SGCZ: variants seen among roughly 807,000 people sequenced by gnomAD.
SGCZ encodes the protein sarcoglycan zeta.
Under a neutral mutation model 41.3 loss-of-function variants are expected in SGCZ, and 40 were observed. That is an observed-to-expected ratio of 0.97 (90% CI 0.75 to 1.26). SGCZ has a LOEUF of 1.26. Among genes scored for constraint, SGCZ ranks in the 50% most tolerant of loss-of-function variants. The pLI is 0.00. For synonymous variants in SGCZ, 206 were observed against 137.5 expected (o/e 1.50, Z -3.49); for missense variants, 552 against 369.8 (o/e 1.49, Z -4.04).
intron 1 of SGCZ, among the ~76,000 whole-genome samples, chr8:14,956,230 G>A (rs540675649): frequency 6.6e-6 from 1 of 151,826 alleles, no homozygotes; most frequent in East Asian, 1.9e-4. Context: ...AGTAGAGATG[G>A]AGTTTCACCC....
At chr8:14,165,216 TTAATA>T (rs1804171976) in intron 4 of SGCZ, 1 of 152,238 alleles carries the variant, frequency 6.6e-6, no homozygotes, top group African/African-American at 2.4e-5. Flanking sequence ...TTTCTACCCT[TTAATA>T]TAAGTGAATT....
rs117547651 is a variant in SGCZ at position 14,388,999 on chromosome 8, G to C, written c.235-64795C>G. ...AATCTATTTCACAGACAAGAAAAAAGCATAATATAAATAAAAGACACTATG... is the reference window on the plus strand; with the variant it reads ...AATCTATTTCACAGACAAGAAAAAACCATAATATAAATAAAAGACACTATG... On this transcript the variant is annotated intron_variant, in intron 2 of 7. Coordinates refer to ENST00000382080, the MANE Select transcript of SGCZ (RefSeq NM_139167.4). Among the ~76,000 whole-genome samples the C allele has an allele frequency of 6.2e-4, 94 of 151,812 alleles. 1 individual carries two copies. In the East Asian group the frequency reaches 0.013, roughly 21 times the overall value.
chr8:14,459,287 G>C (rs778728913), intron 2 of SGCZ, among the ~76,000 whole-genome samples: 5 of 152,036 alleles, frequency 3.3e-5, no homozygotes, highest in Admixed American at 6.6e-5. Context: ...GGATGGGGGA[G>C]GGATAGTATT....
At chr8:14,924,929 C>G (rs559312610) in intron 1 of SGCZ, among the ~76,000 whole-genome samples, 1 of 148,614 alleles carries the variant, frequency 6.7e-6, no homozygotes, top group South Asian at 2.1e-4. Flanking sequence ...GCCATCTCAG[C>G]TCACTGCAAC....
At chr8:14,129,436 T>C (rs73522438) in intron 5 of SGCZ, among the ~76,000 whole-genome samples, 3,181 of 137,668 alleles carry the variant, frequency 0.023, 145 homozygotes, top group African/African-American at 0.081. Context: ...GACTGAAAAA[T>C]CCATAAACAT....
At chr8:14,478,323 C>T (rs1465589635) in intron 2 of SGCZ, among the ~76,000 whole-genome samples, 1 of 152,188 alleles carries the variant, frequency 6.6e-6, no homozygotes, top group Non-Finnish European at 1.5e-5. Flanking sequence ...CTGTAACACA[C>T]TCAGATAATG....
intron 1 of SGCZ, among the ~76,000 whole-genome samples, chr8:14,908,273 A>G (rs548294094): frequency 1.3e-5 from 2 of 152,280 alleles, no homozygotes; most frequent in South Asian, 4.1e-4. Context: ...AAACTTGGAG[A>G]CACAGGTATG....
At chr8:14,666,408 G>A (rs954906718) in intron 1 of SGCZ, among the ~76,000 whole-genome samples, 1 of 152,234 alleles carries the variant, frequency 6.6e-6, no homozygotes, top group South Asian at 2.1e-4. Flanking sequence ...ATTTTATGAT[G>A]GTAATTGGTG....
At chr8:14,383,287 G>T (rs1459011103) in intron 2 of SGCZ, among the ~76,000 whole-genome samples, 1 of 152,154 alleles carries the variant, frequency 6.6e-6, no homozygotes, top group African/African-American at 2.4e-5. Context: ...ATACTGATAA[G>T]AGACATTTTG....
chr8:14,479,054 A>C (rs1335609585), intron 2 of SGCZ, among the ~76,000 whole-genome samples: 1 of 152,162 alleles, frequency 6.6e-6, no homozygotes, highest in African/African-American at 2.4e-5. Context: ...AAATGGATAG[A>C]GGTACATATA....
At chr8:14,910,198 A>G (rs1799242772) in intron 1 of SGCZ, among the ~76,000 whole-genome samples, 1 of 150,270 alleles carries the variant, frequency 6.7e-6, no homozygotes, top group Admixed American at 6.7e-5. Context: ...TCTTCCATCT[A>G]CTCATTTAAT....
At chr8:14,929,061 G>C (rs534780507) in intron 1 of SGCZ, among the ~76,000 whole-genome samples, 88 of 151,914 alleles carry the variant, frequency 5.8e-4, no homozygotes, top group African/African-American at 2.0e-3. Flanking sequence ...GCATGATCTC[G>C]GCTCACTGCG....
chr8:14,103,097 A>G (rs1396663699), intron 6 of SGCZ, among the ~76,000 whole-genome samples: 1 of 152,164 alleles, frequency 6.6e-6, no homozygotes, highest in African/African-American at 2.4e-5. Flanking sequence ...GCCCCGTGAA[A>G]TGTCCACAGA....
chr8:15,222,232 A>T (rs1037056686), intron 1 of SGCZ, among the ~76,000 whole-genome samples: 88 of 152,318 alleles, frequency 5.8e-4, no homozygotes, highest in African/African-American at 1.9e-3. Flanking sequence ...GGATCCAATA[A>T]GGTTAAAATT....
At chr8:15,045,975 T>C (rs1211701576) in intron 1 of SGCZ, among the ~76,000 whole-genome samples, 2 of 152,106 alleles carry the variant, frequency 1.3e-5, no homozygotes, top group Admixed American at 1.3e-4. Context: ...CTAACATGAA[T>C]GCAGAAGACT....
chr8:15,012,077 C>G (rs901199567), intron 1 of SGCZ, among the ~76,000 whole-genome samples: 3 of 152,088 alleles, frequency 2.0e-5, no homozygotes, highest in African/African-American at 7.2e-5. Context: ...TCTTAAAATC[C>G]ATCTTTGTCC....
At chr8:14,787,346 T>C (rs1015470918) in intron 1 of SGCZ, among the ~76,000 whole-genome samples, 1 of 152,114 alleles carries the variant, frequency 6.6e-6, no homozygotes, top group Admixed American at 6.6e-5. Flanking sequence ...AATCTGGTGC[T>C]TTATTTATTT....
chr8:14,777,485 A>C (rs1800442919), intron 1 of SGCZ, among the ~76,000 whole-genome samples: 1 of 152,216 alleles, frequency 6.6e-6, no homozygotes, highest in Admixed American at 6.5e-5. Context: ...TATCTTTAGT[A>C]GAAATCCAGT....
chr8:14,558,836 TA>T (rs1373962770), intron 1 of SGCZ, among the ~76,000 whole-genome samples: 9 of 151,760 alleles, frequency 5.9e-5, no homozygotes, highest in Admixed American at 3.3e-4. Context: ...TGCAAGTCAA[TA>T]AAAAATATGA....
Sources: allele counts gnomAD v4.1 joint callset (sites outside exome capture counted in the v4.1 genomes callset), GRCh38; gene constraint gnomAD v4.1.1; transcripts MANE v1.5; gene names NCBI Gene and HGNC (gene_info 2026-07-23, HGNC 2026-07-21).